GLIS3: variants seen among roughly 807,000 people sequenced by gnomAD.
The protein encoded by GLIS3 is GLIS family zinc finger 3, also known as zinc finger protein GLIS3.
Under a neutral mutation model 78.6 loss-of-function variants are expected in GLIS3, and 53 were observed. The observed-to-expected ratio is 0.67, with a 90% CI of 0.54 to 0.85. The LOEUF is 0.85. GLIS3 is among the 40% of genes least tolerant of loss of function. GLIS3 has a pLI of 0.00. For synonymous variants in GLIS3, 684 were observed against 509.9 expected (o/e 1.34, Z -4.60); for missense variants, 1,703 against 1,231.1 (o/e 1.38, Z -5.74).
At chr9:4,489,524 G>A in the GLIS3 span, among the ~76,000 whole-genome samples, 1 of 152,168 alleles carries the variant, frequency 6.6e-6, no homozygotes, top group Non-Finnish European at 1.5e-5. Flanking sequence ...TTTGGTAAAG[G>A]GAGGGAAAGA....
At chr9:4,163,626 T>A (rs1362274449) in intron 2 of GLIS3, among the ~76,000 whole-genome samples, 3 of 152,254 alleles carry the variant, frequency 2.0e-5, no homozygotes, top group Non-Finnish European at 4.4e-5. Flanking sequence ...AAGATTCACA[T>A]TCTAGGCCCA....
chr9:4,398,871 T>C, the GLIS3 span, among the ~76,000 whole-genome samples: 4 of 152,166 alleles, frequency 2.6e-5, no homozygotes, highest in African/African-American at 9.7e-5. Flanking sequence ...GTATTTTTAG[T>C]AGAGACAGGG....
chr9:4,213,433 A>G (rs1482562783), intron 2 of GLIS3, among the ~76,000 whole-genome samples: 2 of 152,204 alleles, frequency 1.3e-5, no homozygotes, highest in Non-Finnish European at 2.9e-5. Context: ...TCTTGTCACT[A>G]AACAAGGACT....
intron 8 of GLIS3, among the ~76,000 whole-genome samples, chr9:3,858,511 C>A (rs1043479946): frequency 6.6e-6 from 1 of 152,128 alleles, no homozygotes; most frequent in African/African-American, 2.4e-5. Context: ...ATGGCTTCAA[C>A]TGACTCAAGA....
At chr9:4,443,825 G>C in the GLIS3 span, among the ~76,000 whole-genome samples, 1 of 152,178 alleles carries the variant, frequency 6.6e-6, no homozygotes, top group East Asian at 1.9e-4. Flanking sequence ...CCAAATGCAA[G>C]AAGAAATAAC....
chr9:4,177,387 T>A (rs1816904224), intron 2 of GLIS3, among the ~76,000 whole-genome samples: 1 of 152,200 alleles, frequency 6.6e-6, no homozygotes, highest in Non-Finnish European at 1.5e-5. Context: ...TTAGAACACT[T>A]GGGGCTAATC....
At chr9:4,084,111 A>C (rs1180209510) in intron 4 of GLIS3, among the ~76,000 whole-genome samples, 1 of 152,198 alleles carries the variant, frequency 6.6e-6, no homozygotes, top group East Asian at 1.9e-4. Context: ...TAAAAAGCCC[A>C]TTCTGTGTTT....
chr9:4,107,879 T>C (rs553551482), intron 4 of GLIS3, among the ~76,000 whole-genome samples: 3 of 152,264 alleles, frequency 2.0e-5, no homozygotes, highest in South Asian at 2.1e-4. Context: ...TTATGGGAAA[T>C]TTCAAATCTT....
At chr9:4,334,220 T>A (rs890932852) in intron 2 of GLIS3, among the ~76,000 whole-genome samples, 1 of 152,240 alleles carries the variant, frequency 6.6e-6, no homozygotes, top group East Asian at 1.9e-4. Context: ...AAAGACCATC[T>A]GATAGTGTAA....
At chr9:4,080,853 T>A (rs1288769025) in intron 4 of GLIS3, among the ~76,000 whole-genome samples, 1 of 152,122 alleles carries the variant, frequency 6.6e-6, no homozygotes, top group South Asian at 2.1e-4. Flanking sequence ...AGGCCTTCCG[T>A]TGGATCATCT....
chr9:4,346,066 A>G (rs578262292), intron 2 of GLIS3, among the ~76,000 whole-genome samples: 1 of 152,328 alleles, frequency 6.6e-6, no homozygotes, highest in African/African-American at 2.4e-5. Flanking sequence ...AACTAAAATT[A>G]TGATCAATTC....
At position 4,009,576 on chromosome 9, in the gene GLIS3, T is replaced by G. The variant is rs536495470; in HGVS notation, c.1711-72387A>C. Among the ~76,000 whole-genome samples the G allele has an allele frequency of 3.3e-3, 510 of 152,262 alleles. 3 individuals are homozygous for G. The highest frequency in any genetic ancestry group is 0.011 in the African/African-American group (475 of 41,550). ...AGCACATTCCTGCTGGCCAGGTGGT[T>G]GGGGCCATGGTTAGAGCCAAAGGTT... On this transcript the variant is annotated intron_variant, in intron 4 of 10. Transcript: ENST00000381971.
At chr9:4,432,694 G>A in the GLIS3 span, among the ~76,000 whole-genome samples, 1 of 143,508 alleles carries the variant, frequency 7.0e-6, no homozygotes, top group African/African-American at 2.6e-5. Flanking sequence ...AGGCTGGAGT[G>A]CAGTGGCACA....
At chr9:3,884,052 C>A (rs929479402) in intron 7 of GLIS3, among the ~76,000 whole-genome samples, 1 of 152,214 alleles carries the variant, frequency 6.6e-6, no homozygotes, top group Admixed American at 6.5e-5. Context: ...AAAGCAGCAT[C>A]TGTTGATCTA....
intron 2 of GLIS3, among the ~76,000 whole-genome samples, chr9:4,245,287 A>C (rs111676647): frequency 0.012 from 1,831 of 152,326 alleles, 39 homozygotes; most frequent in African/African-American, 0.041. Context: ...GTTGTGGTCC[A>C]CAGCCCTCAG....
the GLIS3 span, among the ~76,000 whole-genome samples, chr9:4,402,049 G>A: frequency 2.0e-5 from 3 of 152,178 alleles, no homozygotes; most frequent in African/African-American, 7.2e-5. Flanking sequence ...GACATGCCCA[G>A]GGCCTAGGGG....
At chr9:4,335,641 G>A (rs924667441) in intron 2 of GLIS3, among the ~76,000 whole-genome samples, 1 of 152,112 alleles carries the variant, frequency 6.6e-6, no homozygotes, top group African/African-American at 2.4e-5. Context: ...TAAGTAGCCC[G>A]GGGTTAAACA....
chr9:4,354,838 C>T, the GLIS3 span, among the ~76,000 whole-genome samples: 11 of 151,992 alleles, frequency 7.2e-5, no homozygotes, highest in East Asian at 1.9e-4. Context: ...CCTGAGTAGC[C>T]GGACATGGTG....
chr9:4,449,186 G>A, the GLIS3 span, among the ~76,000 whole-genome samples: 37 of 152,300 alleles, frequency 2.4e-4, no homozygotes, highest in East Asian at 3.9e-3. Context: ...ATGGCTTGGC[G>A]GATCCCAAGC....
Sources: gnomAD v4.1 joint callset for allele counts (sites outside exome capture counted in the v4.1 genomes callset) on GRCh38, gnomAD v4.1.1 for gene constraint, MANE v1.5 for transcripts, NCBI Gene and HGNC (gene_info 2026-07-23, HGNC 2026-07-21) for gene names.